MDGA2: variants seen among roughly 807,000 people sequenced by gnomAD.
MDGA2 encodes the protein MAM domain-containing glycosylphosphatidylinositol anchor protein 2.
MDGA2 carries 40 observed loss-of-function variants against 117.8 expected under a neutral mutation model. That is an observed-to-expected ratio of 0.34 (90% confidence interval 0.26 to 0.44). The LOEUF (loss-of-function observed/expected upper bound fraction) is 0.44. MDGA2 is among the 20% of genes least tolerant of loss of function. MDGA2 has a pLI of 1.00. For missense variants in MDGA2, 1,123 were observed against 1,250.6 expected (o/e 0.90, Z 1.54); for synonymous variants, 452 against 439.0 (o/e 1.03, Z -0.37).
At chr14:46,871,320 GCTA>G (rs1431219877) in intron 14 of MDGA2, 1 of 151,872 alleles carries the variant, frequency 6.6e-6, no homozygotes, top group Admixed American at 6.6e-5. Context: ...CACATACTTA[GCTA>G]GGCTTGCAAA....
intron 8 of MDGA2, among the ~76,000 whole-genome samples, chr14:46,993,059 G>C (rs1371815368): frequency 6.6e-6 from 1 of 150,952 alleles, no homozygotes; most frequent in African/African-American, 2.5e-5. Flanking sequence ...ATTGTAAATA[G>C]TTATCCTTAA....
intron 8 of MDGA2, among the ~76,000 whole-genome samples, chr14:47,017,181 C>A (rs1888112947): frequency 6.6e-6 from 1 of 151,356 alleles, no homozygotes; most frequent in African/African-American, 2.4e-5. Context: ...ATTTTCCTGA[C>A]TTCATGCTCC....
In MDGA2 at chr14:47,254,130, G is replaced by T. The variant is rs568046929; in HGVS notation, c.421-35935C>A. On this transcript the variant is annotated intron_variant, in intron 2 of 16. Coordinates refer to ENST00000399232, the MANE Select transcript of MDGA2 (RefSeq NM_001113498.3). ...TTTTCCCTCCTAGCCCTCCAGGCCT[G>T]TGATGGGAGAGGCTGCCATGAAGGT... Among the ~76,000 whole-genome samples, 34 of 152,316 alleles carry T rather than the reference G, an allele frequency of 2.2e-4. No homozygotes were observed. In the South Asian group the frequency reaches 6.6e-3, roughly 30 times the overall value.
Position 47,675,577 on chromosome 14 carries a change from G to T in MDGA2, c.-781C>A, listed in dbSNP as rs1474728253. On this transcript the variant is annotated 5_prime_UTR_variant, in exon 1 of 17. In the 5' UTR this introduces an upstream ATG that the reference lacks. Transcript: ENST00000399232. ...TTCCCGGAGCCGAAAGCAGAGTCCA[G>T]GCACCGCCACTTGCAAGAGAGGGAG... Among the ~76,000 whole-genome samples, 1 of 152,132 alleles carries T rather than the reference G, an allele frequency of 6.6e-6. No individual in the cohort carries two copies. Among genetic ancestry groups the T allele is most frequent in the Non-Finnish European group, 1.5e-5 (1 of 68,028 alleles).
chr14:47,080,011 G>A (rs1212387926), intron 6 of MDGA2, among the ~76,000 whole-genome samples: 2 of 152,118 alleles, frequency 1.3e-5, no homozygotes, highest in Non-Finnish European at 2.9e-5. Context: ...GATTACAGGC[G>A]TGAGCCACCG....
intron 1 of MDGA2, among the ~76,000 whole-genome samples, chr14:47,495,428 A>G (rs527836903): frequency 6.6e-6 from 1 of 152,318 alleles, no homozygotes; most frequent in African/African-American, 2.4e-5. Flanking sequence ...AATAAAAGAA[A>G]GAAATTTGGC....
chr14:46,894,944 A>G (rs1883019861), intron 10 of MDGA2, among the ~76,000 whole-genome samples: 1 of 152,192 alleles, frequency 6.6e-6, no homozygotes, highest in African/African-American at 2.4e-5. Context: ...CAACCTAAAA[A>G]TTAATTTTGT....
intron 11 of MDGA2, among the ~76,000 whole-genome samples, chr14:46,878,166 T>A (rs746597186): frequency 2.0e-5 from 3 of 151,978 alleles, no homozygotes; most frequent in Admixed American, 1.3e-4. Flanking sequence ...CCCCTAAAAC[T>A]AATTATATTT....
chr14:47,268,385 T>C (rs570090050), intron 2 of MDGA2, among the ~76,000 whole-genome samples: 1 of 152,230 alleles, frequency 6.6e-6, no homozygotes, highest in Admixed American at 6.5e-5. Flanking sequence ...CTTATTTCCT[T>C]TTTATATACA....
intron 1 of MDGA2, among the ~76,000 whole-genome samples, chr14:47,624,363 C>A (rs1261004328): frequency 6.6e-6 from 1 of 152,272 alleles, no homozygotes; most frequent in African/African-American, 2.4e-5. Context: ...GAGGCTGAGG[C>A]AGGACAATCG....
intron 1 of MDGA2, among the ~76,000 whole-genome samples, chr14:47,542,257 TAATA>T (rs1895368471): frequency 6.6e-6 from 1 of 152,240 alleles, no homozygotes; most frequent in Non-Finnish European, 1.5e-5. Flanking sequence ...TACATGGTCA[TAATA>T]AATAATTAAG....
At chr14:46,974,739 G>A (rs1886392532) in intron 8 of MDGA2, among the ~76,000 whole-genome samples, 1 of 152,066 alleles carries the variant, frequency 6.6e-6, no homozygotes, top group Non-Finnish European at 1.5e-5. Flanking sequence ...AGGCCTAAAT[G>A]TAAGATTCAA....
At chr14:46,839,690 A>C (rs536581691), downstream of MDGA2, among the ~76,000 whole-genome samples, 22 of 152,028 alleles carry the variant, frequency 1.4e-4, no homozygotes, top group African/African-American at 5.1e-4. Flanking sequence ...GATAAAGTAT[A>C]TGGGTTACTG....
At chr14:46,950,880 T>TA (rs1885348865) in intron 9 of MDGA2, among the ~76,000 whole-genome samples, 1 of 119,172 alleles carries the variant, frequency 8.4e-6, no homozygotes, top group African/African-American at 4.6e-5. Flanking sequence ...CAGTCCAAAT[T>TA]TAAAAAAAAA....
intron 1 of MDGA2, among the ~76,000 whole-genome samples, chr14:47,404,996 G>T (rs1474889405): frequency 1.3e-5 from 2 of 152,142 alleles, no homozygotes; most frequent in Non-Finnish European, 1.5e-5. Context: ...AATATTAAAA[G>T]TAATTTATAA....
intron 8 of MDGA2, among the ~76,000 whole-genome samples, chr14:46,966,805 A>G (rs1886048896): frequency 6.6e-6 from 1 of 150,506 alleles, no homozygotes; most frequent in Non-Finnish European, 1.5e-5. Context: ...CAAGGTTTCT[A>G]AATACTTAGT....
chr14:46,930,124 C>G (rs373953547), intron 9 of MDGA2, among the ~76,000 whole-genome samples: 2 of 144,852 alleles, frequency 1.4e-5, no homozygotes, highest in East Asian at 4.0e-4. Context: ...GAAAAAAAAA[C>G]TGAAAAGATT....
intron 2 of MDGA2, among the ~76,000 whole-genome samples, chr14:47,284,940 A>T (rs931581377): frequency 2.0e-5 from 3 of 152,160 alleles, no homozygotes; most frequent in African/African-American, 7.2e-5. Context: ...AAATCTCTAC[A>T]GAGGTGGACT....
intron 1 of MDGA2, among the ~76,000 whole-genome samples, chr14:47,384,791 A>G (rs1016333205): frequency 2.6e-5 from 4 of 152,190 alleles, no homozygotes; most frequent in African/African-American, 9.7e-5. Context: ...AAAGTCACTG[A>G]ACAAATGAGG....
Sources: gnomAD v4.1 joint callset for allele counts (sites outside exome capture counted in the v4.1 genomes callset) on GRCh38, gnomAD v4.1.1 for gene constraint, MANE v1.5 for transcripts, NCBI Gene and HGNC (gene_info 2026-07-23, HGNC 2026-07-21) for gene names.